The following SNX30 variants were observed in gnomAD, a reference collection of about 807,000 sequenced individuals.
The protein encoded by SNX30 is sorting nexin-30.
SNX30 carries 24 observed loss-of-function variants against 46.4 expected under a neutral mutation model. The observed-to-expected ratio is 0.52, with a 90% CI of 0.37 to 0.73. The LOEUF (loss-of-function observed/expected upper bound fraction) is 0.73. Ranked by LOEUF, SNX30 falls within the 30% of genes least tolerant of loss-of-function variation. SNX30 has a pLI of 0.00. For synonymous variants in SNX30, 189 were observed against 211.5 expected (o/e 0.89, Z 0.92); for missense variants, 533 against 555.7 (o/e 0.96, Z 0.41).
chr9:112,857,982 A>T (rs1203182589), intron 7 of SNX30, among the ~76,000 whole-genome samples: 1 of 152,200 alleles, frequency 6.6e-6, no homozygotes, highest in Non-Finnish European at 1.5e-5. Flanking sequence ...CATTGCACTA[A>T]CAACCTATAT....
rs952498336 is a variant in SNX30 at position 112,793,111 on chromosome 9, C to G, written c.157-11665C>G. Among the ~76,000 whole-genome samples the G allele has an allele frequency of 2.6e-5, 4 of 152,126 alleles. No homozygotes were observed. In the East Asian group the frequency reaches 5.8e-4, roughly 22 times the overall value. ...AATAATTCAGACCTGCTATTTGCCC[C>G]CATCAGAACAAGTGGATTATATTGG... On this transcript the variant is annotated intron_variant, in intron 1 of 8. Coordinates refer to ENST00000374232, the MANE Select transcript of SNX30 (RefSeq NM_001012994.2).
chr9:112,807,493 A>G (rs987161121), intron 2 of SNX30, among the ~76,000 whole-genome samples: 3 of 152,196 alleles, frequency 2.0e-5, no homozygotes, highest in African/African-American at 7.2e-5. Flanking sequence ...AGATGCTTAC[A>G]TATATTATTT....
Position 112,751,115 on chromosome 9 carries a change from G to C in SNX30, c.114G>C (p.Thr38=), listed in dbSNP as rs1839268409. 6.6e-7 allele frequency: 1 copy of C among 1,519,050 alleles called. No homozygotes were observed. The highest frequency in any genetic ancestry group is 8.8e-7 in the Non-Finnish European group (1 of 1,142,278). 94.1% of individuals were successfully genotyped at this position (1,519,050 alleles called of 1,614,324 possible). A position where few individuals can be genotyped will look rare whatever the true frequency, so the allele number is the denominator to read the frequency against. Residue 38 remains threonine (T), a synonymous_variant, in exon 1 of 9, where the codon ACG becomes ACC. Transcript: ENST00000374232. The part of the protein sequence containing the change: ...SSEEAVGGDS[T]PSPDLLMARS... ...AGGAGGCCGTGGGTGGTGACAGCAC[G>C]CCCAGCCCGGACCTGCTGATGGCCC...
chr9:112,808,893 CAGTT>C (rs1372593032), intron 2 of SNX30, among the ~76,000 whole-genome samples: 1 of 152,150 alleles, frequency 6.6e-6, no homozygotes, highest in Non-Finnish European at 1.5e-5. Flanking sequence ...CGTATATTAT[CAGTT>C]AATCTTCACA....
chr9:112,761,625 T>C (rs1367700771), intron 1 of SNX30, among the ~76,000 whole-genome samples: 1 of 151,966 alleles, frequency 6.6e-6, no homozygotes, highest in Middle Eastern at 3.2e-3. Flanking sequence ...TTTGGTGTAG[T>C]GGGGGTGACT....
chr9:112,865,775 G>T (rs113477079), intron 8 of SNX30, among the ~76,000 whole-genome samples: 1 of 143,774 alleles, frequency 7.0e-6, no homozygotes, highest in African/African-American at 2.6e-5. Context: ...ATGTATGTAT[G>T]TATATATATA....
intron 1 of SNX30, among the ~76,000 whole-genome samples, chr9:112,780,408 A>G (rs1278338428): frequency 6.6e-6 from 1 of 152,240 alleles, no homozygotes; most frequent in Non-Finnish European, 1.5e-5. Flanking sequence ...ACGGTTAAAA[A>G]AGAGAGAAAG....
chr9:112,750,883 C>G lies in SNX30; in HGVS notation c.-119C>G, dbSNP rs1564255587. 8 of 961,238 alleles carry G rather than the reference C, an allele frequency of 8.3e-6. No homozygotes were observed. The highest frequency in any genetic ancestry group is 1.0e-5 in the Non-Finnish European group (8 of 784,892). The allele number at this position is 961,238 out of a possible 1,614,324, so 59.5% of individuals were successfully genotyped here. On this transcript the variant is annotated 5_prime_UTR_variant, in exon 1 of 9. Transcript: ENST00000374232. ...GGGTGGCGGCGGCCCCCAGCACGGC[C>G]GGTGCAAGGCCTCGGGTTAAGCGGC...
At chr9:112,875,645 C>G (rs190385864), downstream of SNX30, among the ~76,000 whole-genome samples, 29 of 152,324 alleles carry the variant, frequency 1.9e-4, no homozygotes, top group African/African-American at 6.7e-4. Context: ...ACTTAAATGT[C>G]AGGCAGCTTC....
intron 1 of SNX30, among the ~76,000 whole-genome samples, chr9:112,798,004 G>A (rs571916226): frequency 9.3e-4 from 140 of 150,520 alleles, no homozygotes; most frequent in African/African-American, 2.8e-3. Context: ...GAGGCACTGC[G>A]CGCCCAGCCA....
At position 112,817,651 on chromosome 9, in the gene SNX30, A is replaced by G; in HGVS notation, c.349-54A>G. The G allele has an allele frequency of 4.7e-6, 5 of 1,067,284 alleles. No individual in the cohort carries two copies. In the South Asian group the frequency reaches 5.1e-5, roughly 11 times the overall value. The allele number at this position is 1,067,284 out of a possible 1,614,324, so 66.1% of individuals were successfully genotyped here. On this transcript the variant is annotated intron_variant, in intron 2 of 8. Coordinates refer to ENST00000374232, the MANE Select transcript of SNX30 (RefSeq NM_001012994.2). Reference sequence around the variant, plus strand: ...TCTAAGAGCTTTTTTCCTTCCCTTCAGCCAAGATATGCTATTCCCTTATGC... The same window carrying G: ...TCTAAGAGCTTTTTTCCTTCCCTTCGGCCAAGATATGCTATTCCCTTATGC...
At chr9:112,764,472 G>A (rs1178677812) in intron 1 of SNX30, among the ~76,000 whole-genome samples, 1 of 152,112 alleles carries the variant, frequency 6.6e-6, no homozygotes, top group Non-Finnish European at 1.5e-5. Context: ...GAACTCCAGG[G>A]CTTAAGCAAT....
intron 2 of SNX30, among the ~76,000 whole-genome samples, chr9:112,817,226 T>C (rs2131420694): frequency 6.6e-6 from 1 of 152,086 alleles, no homozygotes; most frequent in South Asian, 2.1e-4. Flanking sequence ...TAGCAGAAGG[T>C]GGAGACAATT....
intron 1 of SNX30, among the ~76,000 whole-genome samples, chr9:112,795,103 T>C (rs1338349584): frequency 6.6e-6 from 1 of 152,202 alleles, no homozygotes; most frequent in Non-Finnish European, 1.5e-5. Flanking sequence ...GCAATTATTG[T>C]GTGTCTGCTA....
chr9:112,855,470 G>C (rs1479264051), intron 7 of SNX30, among the ~76,000 whole-genome samples: 2 of 152,164 alleles, frequency 1.3e-5, no homozygotes, highest in Admixed American at 6.5e-5. Context: ...GTTGATTTTT[G>C]TGGAGTCATG....
Position 112,750,982 on chromosome 9 carries a change from C to T in SNX30, c.-20C>T. On this transcript the variant is annotated 5_prime_UTR_variant, in exon 1 of 9. Transcript: ENST00000374232. ...GCAGCAGGAGGAAGCGGCGGCGGCG[C>T]GTCCCGAGCGGTGCGCGCCATGGCG... The T allele has an allele frequency of 8.2e-7, 1 of 1,226,252 alleles. No homozygotes were observed. Among genetic ancestry groups the T allele is most frequent in the South Asian group, 3.8e-5 (1 of 26,148 alleles). The allele number at this position is 1,226,252 out of a possible 1,614,324, so 76.0% of individuals were successfully genotyped here. A position where few individuals can be genotyped will look rare whatever the true frequency, so the allele number is the denominator to read the frequency against.
intron 5 of SNX30, 113 bp from the exon 6 acceptor site, chr9:112,838,371 CAGGTGAGTGAATGG>C: frequency 1.4e-6 from 1 of 701,780 alleles, no homozygotes; most frequent in South Asian, 1.9e-5. Flanking sequence ...AGAGTGGGAT[CAGGTGAGTGAATGG>C]CCAAAGAAAC....
intron 1 of SNX30, among the ~76,000 whole-genome samples, chr9:112,764,826 C>CT (rs1464727507): frequency 6.6e-6 from 1 of 152,180 alleles, no homozygotes; most frequent in Non-Finnish European, 1.5e-5. Flanking sequence ...CTTGCTTTAA[C>CT]GTAGGAGTAA....
intron 1 of SNX30, among the ~76,000 whole-genome samples, chr9:112,804,021 C>T (rs1840180999): frequency 7.0e-6 from 1 of 142,310 alleles, no homozygotes; most frequent in African/African-American, 2.6e-5. Flanking sequence ...CACACACTGG[C>T]CTGCGCCCAC....
Sources: allele counts gnomAD v4.1 joint callset (sites outside exome capture counted in the v4.1 genomes callset), GRCh38; gene constraint gnomAD v4.1.1; transcripts MANE v1.5; gene names NCBI Gene and HGNC (gene_info 2026-07-23, HGNC 2026-07-21).